PKIB: variants seen among roughly 807,000 people sequenced by gnomAD.
The protein encoded by PKIB is cAMP-dependent protein kinase inhibitor beta.
In PKIB, 2 loss-of-function variants were observed where a neutral mutation model predicts 4.5. That is an observed-to-expected ratio of 0.44 (90% CI 0.18 to 1.39). The LOEUF (loss-of-function observed/expected upper bound fraction) is 1.39, where lower values mean the gene tolerates loss of function less well. PKIB is among the 40% of genes most tolerant of loss of function. The pLI, the probability that PKIB is intolerant of heterozygous loss-of-function variation, is 0.27. For synonymous variants in PKIB, 38 were observed against 36.0 expected (o/e 1.06, Z -0.20); for missense variants, 94 against 92.6 (o/e 1.02, Z -0.06).
At chr6:122,685,239 A>G (rs1009262951) in intron 3 of PKIB, among the ~76,000 whole-genome samples, 8 of 152,186 alleles carry the variant, frequency 5.3e-5, no homozygotes, top group African/African-American at 1.4e-4. Context: ...TAAAAATTCT[A>G]TTGGCATTTA....
At chr6:122,535,139 C>T (rs1777367375) in intron 2 of PKIB, among the ~76,000 whole-genome samples, 1 of 151,946 alleles carries the variant, frequency 6.6e-6, no homozygotes, top group South Asian at 2.1e-4. Flanking sequence ...TGTTTTTAAT[C>T]AATCTACGTC....
intron 2 of PKIB, among the ~76,000 whole-genome samples, chr6:122,668,929 C>A (rs1306792128): frequency 6.6e-6 from 1 of 152,106 alleles, no homozygotes. Context: ...AGACATCAGC[C>A]CCTGGCTGGG....
Position 122,715,622 on chromosome 6 carries a change from G to C in PKIB, c.-8-2165G>C, listed in dbSNP as rs1245864663. Among the ~76,000 whole-genome samples, 5 of 146,730 alleles carry C rather than the reference G, an allele frequency of 3.4e-5. No individual in the cohort carries two copies. In the East Asian group the frequency reaches 8.0e-4, roughly 23 times the overall value. ...ATATATATATATGAAGAGAGAGAGA[G>C]ATTATTTCATCACTCAGGTATTTTA... On this transcript the variant is annotated intron_variant, in intron 3 of 4. Coordinates refer to ENST00000368452, the MANE Select transcript of PKIB (RefSeq NM_181795.3).
chr6:122,709,615 G>A (rs559794622), intron 3 of PKIB, among the ~76,000 whole-genome samples: 1 of 151,864 alleles, frequency 6.6e-6, no homozygotes, highest in Non-Finnish European at 1.5e-5. Flanking sequence ...TTTCAGAAGT[G>A]GAATAAATAT....
intron 2 of PKIB, among the ~76,000 whole-genome samples, chr6:122,500,445 A>G (rs532816027): frequency 7.2e-5 from 11 of 152,302 alleles, no homozygotes; most frequent in East Asian, 5.8e-4. Context: ...ACATTTACAC[A>G]GTTAGCACAA....
chr6:122,504,379 A>G (rs2114565698), intron 2 of PKIB, among the ~76,000 whole-genome samples: 1 of 152,304 alleles, frequency 6.6e-6, no homozygotes. Flanking sequence ...GGCCTTGACT[A>G]CTTGGGAAGA....
At chr6:122,577,044 C>T (rs1773563838) in intron 2 of PKIB, among the ~76,000 whole-genome samples, 1 of 152,014 alleles carries the variant, frequency 6.6e-6, no homozygotes, top group South Asian at 2.1e-4. Context: ...GGGACTGCGC[C>T]ATACATGATG....
chr6:122,608,058 C>A (rs1272204518), upstream of PKIB, among the ~76,000 whole-genome samples: 1 of 152,172 alleles, frequency 6.6e-6, no homozygotes, highest in South Asian at 2.1e-4. Context: ...GATCTTCGTT[C>A]TACGTCAGCC....
intron 2 of PKIB, among the ~76,000 whole-genome samples, chr6:122,492,768 A>G (rs1775972847): frequency 8.9e-6 from 1 of 111,808 alleles, no homozygotes; most frequent in African/African-American, 3.2e-5. Flanking sequence ...ATATTTTAAG[A>G]GAAAGAGTTT....
At chr6:122,704,728 C>G (rs1055210971) in intron 3 of PKIB, among the ~76,000 whole-genome samples, 2 of 149,208 alleles carry the variant, frequency 1.3e-5, no homozygotes, top group Non-Finnish European at 3.0e-5. Flanking sequence ...GAAATAATAA[C>G]TGTGTGTGTG....
rs115628455 is a variant in PKIB at position 122,500,986 on chromosome 6, C to T, written c.-248+23047C>T. 4.8e-3 allele frequency among the ~76,000 whole-genome samples: 729 copies of T among 152,176 alleles called. 5 individuals carry two copies. The highest frequency in any genetic ancestry group is 0.017 in the African/African-American group (687 of 41,500). ...AGAACAGCAAGAGGAAGTCTGCCCC[C>T]ATGATTCAATCACCCCCCACCAGGA... On this transcript the variant is annotated intron_variant, in intron 2 of 6. Coordinates refer to the PKIB transcript ENST00000392491.
At chr6:122,488,527 A>C (rs1229978293) in intron 2 of PKIB, among the ~76,000 whole-genome samples, 3 of 151,624 alleles carry the variant, frequency 2.0e-5, no homozygotes, top group Non-Finnish European at 4.4e-5. Context: ...CCCTCCCTGG[A>C]CTCGGGTGAT....
At chr6:122,489,726 T>C (rs1455664507) in intron 2 of PKIB, among the ~76,000 whole-genome samples, 1 of 152,242 alleles carries the variant, frequency 6.6e-6, no homozygotes, top group Non-Finnish European at 1.5e-5. Flanking sequence ...GTCATGTTAC[T>C]TCTTATAAAT....
At chr6:122,540,832 C>A (rs1395643930) in intron 2 of PKIB, among the ~76,000 whole-genome samples, 1 of 151,334 alleles carries the variant, frequency 6.6e-6, no homozygotes, top group Non-Finnish European at 1.5e-5. Flanking sequence ...CTTTGTAGGT[C>A]ACTCAGGACT....
intron 2 of PKIB, among the ~76,000 whole-genome samples, chr6:122,504,968 G>T (rs1250323165): frequency 6.6e-6 from 1 of 152,140 alleles, no homozygotes; most frequent in Non-Finnish European, 1.5e-5. Flanking sequence ...TAAAATGGAG[G>T]CTGCAAAACG....
chr6:122,490,932 C>T (rs1233630435), intron 2 of PKIB, among the ~76,000 whole-genome samples: 1 of 152,140 alleles, frequency 6.6e-6, no homozygotes, highest in African/African-American at 2.4e-5. Flanking sequence ...GATCACCCAT[C>T]AGTGATTATG....
At chr6:122,708,930 G>A (rs1779164432) in intron 3 of PKIB, among the ~76,000 whole-genome samples, 1 of 152,148 alleles carries the variant, frequency 6.6e-6, no homozygotes, top group Non-Finnish European at 1.5e-5. Flanking sequence ...ATCACGCCCA[G>A]CTGCGTTAAT....
chr6:122,657,629 C>A (rs1010894172), intron 2 of PKIB, among the ~76,000 whole-genome samples: 2 of 152,146 alleles, frequency 1.3e-5, no homozygotes, highest in African/African-American at 4.8e-5. Context: ...AATGCTACTT[C>A]CTTTTTCATC....
At chr6:122,484,673 T>C (rs1775713042) in intron 2 of PKIB, among the ~76,000 whole-genome samples, 1 of 152,216 alleles carries the variant, frequency 6.6e-6, no homozygotes, top group Non-Finnish European at 1.5e-5. Context: ...TTATTTAATA[T>C]TGTTTAATCC....
Sources: gnomAD v4.1 joint callset for allele counts (sites outside exome capture counted in the v4.1 genomes callset) on GRCh38, gnomAD v4.1.1 for gene constraint, MANE v1.5 for transcripts, NCBI Gene and HGNC (gene_info 2026-07-23, HGNC 2026-07-21) for gene names.